Variants in RADIL observed in about 807,000 individuals in gnomAD.
RADIL encodes ras-associating and dilute domain-containing protein.
In RADIL, 99 loss-of-function variants were observed where a neutral mutation model predicts 97.6. That is an observed-to-expected ratio of 1.01 (90% CI 0.86 to 1.20). The LOEUF is 1.20. Ranked by LOEUF, RADIL falls within the 50% of genes most tolerant of loss-of-function variation. RADIL has a pLI of 0.00. For missense variants in RADIL, 1,765 were observed against 1,498.9 expected, an observed-to-expected ratio of 1.18 and a Z score of -2.93; for synonymous variants, 803 against 691.8, an observed-to-expected ratio of 1.16 and a Z score of -2.52.
intron 2 of RADIL, chr7:4,865,308 A>G (rs975369962): frequency 4.1e-6 from 2 of 486,850 alleles, no homozygotes; most frequent in Non-Finnish European, 7.6e-6. Flanking sequence ...CATATATACA[A>G]TGATGGCCCT....
At position 4,834,709 on chromosome 7, in the gene RADIL, GA is replaced by G; in HGVS notation, c.1313del (p.Phe438SerfsTer26). On this transcript the variant is annotated frameshift_variant, in exon 4 of 15. Transcript: ENST00000399583. LOFTEE classifies it high-confidence loss of function. This position sits in a 1 kb window ranked among gnomAD's most constrained non-coding sequence, Gnocchi z 6.0. ...AGTGCTGGATGCAGAGGCACAGGAG[GA>G]AGGCGGGGGTCAGCTTGTGGTCGTC... is the stretch of plus-strand genomic sequence containing the variant. The part of the protein sequence containing the change: ...GGDDHKLTPA[F>X]LLCLCIQHSA... The G allele has an allele frequency of 7.1e-7, 1 of 1,409,016 alleles. No individual in the cohort carries two copies. The highest frequency in any genetic ancestry group is 9.3e-7 in the Non-Finnish European group (1 of 1,075,024). 87.3% of individuals were successfully genotyped at this position (1,409,016 alleles called of 1,614,324 possible). A position where few individuals can be genotyped will look rare whatever the true frequency, so the allele number is the denominator to read the frequency against.
Position 4,801,934 on chromosome 7 carries a change from C to A in RADIL, c.2561G>T (p.Arg854Met). 1 of 1,567,842 alleles carries A rather than the reference C, an allele frequency of 6.4e-7. No individual in the cohort carries two copies. The highest frequency in any genetic ancestry group is 2.3e-5 in the East Asian group (1 of 44,042). ...TTCCCGGGCTGCTGGGCCAGGGTCC[C>A]TGGGAGCCAGGGGGCAGCTCGGGGC... ...LEAPSCPLAPRDPGPAAREVA... is the reference protein window; with the variant it reads ...LEAPSCPLAPMDPGPAAREVA... The change falls in exon 12 of 15, where the codon AGG (arginine) becomes ATG (methionine). Residue 854 changes from arginine (R) to methionine (M), a missense_variant. Arg to Met is a moderately conservative substitution (Grantham distance 91). Coordinates refer to ENST00000399583, the MANE Select transcript of RADIL (RefSeq NM_018059.5).
chr7:4,825,772 A>C (rs992298614), intron 5 of RADIL, among the ~76,000 whole-genome samples: 5 of 150,436 alleles, frequency 3.3e-5, no homozygotes, highest in African/African-American at 1.2e-4. Flanking sequence ...GCTACTCAGG[A>C]GGCTGAGGCA....
rs1783330452 is a variant in RADIL at position 4,837,479 on chromosome 7, G to A, written c.536-874C>T. 6.6e-6 allele frequency among the ~76,000 whole-genome samples: 1 copy of A among 152,200 alleles called. No individual in the cohort carries two copies. Among genetic ancestry groups the A allele is most frequent in the African/African-American group, 2.4e-5 (1 of 41,462 alleles). ...ATGGGGCTGCCGATGGCCTGCTCCT[G>A]CAACAGCATCGCTGCCTCCTTCCCA... On this transcript the variant is annotated intron_variant, in intron 2 of 14. Coordinates refer to ENST00000399583, the MANE Select transcript of RADIL (RefSeq NM_018059.5). The surrounding 1 kb of genome is among the most constrained non-coding windows in gnomAD (Gnocchi z 5.6).
intron 5 of RADIL, among the ~76,000 whole-genome samples, chr7:4,827,515 G>T (rs1027053085): frequency 6.6e-6 from 1 of 151,804 alleles, no homozygotes; most frequent in African/African-American, 2.4e-5. Flanking sequence ...CAAAAAATTA[G>T]CCGGGCGTGG....
chr7:4,838,061 G>C, intron 2 of RADIL: 2 of 985,406 alleles, frequency 2.0e-6, no homozygotes, highest in Non-Finnish European at 2.4e-6. Context: ...TGCATCTGCA[G>C]CCCGCAGGGG....
At position 4,799,384 on chromosome 7, in the gene RADIL, AGGGGGC is replaced by A; in HGVS notation, c.3216_3221del (p.Pro1073_Pro1074del). The A allele has an allele frequency of 6.2e-7, 1 of 1,613,302 alleles. No homozygotes were observed. The highest frequency in any genetic ancestry group is 8.5e-7 in the Non-Finnish European group (1 of 1,179,758). ...GGGTGTCCTCGCAGCCCCCCTAGAG[AGGGGGC>A]GTGCGGAAATGGATCTTCTTGGCTG... On this transcript the variant is annotated inframe_deletion, in exon 15 of 15. Transcript: ENST00000399583.
intron 12 of RADIL, among the ~76,000 whole-genome samples, chr7:4,801,144 GCA>G (rs200175056): frequency 0.039 from 5,861 of 152,060 alleles, 374 homozygotes; most frequent in African/African-American, 0.13. Context: ...ATGCAGAGAT[GCA>G]CACACAATGC....
intron 12 of RADIL, among the ~76,000 whole-genome samples, chr7:4,801,442 C>T (rs1404043660): frequency 6.6e-6 from 1 of 152,230 alleles, no homozygotes; most frequent in Non-Finnish European, 1.5e-5. Context: ...CTGCCCAAGA[C>T]GTGTCAGCGA....
rs1172541309 is a variant in RADIL, at chr7:4,879,028, A to C, written c.-64-825T>G. Among the ~76,000 whole-genome samples the C allele has an allele frequency of 6.6e-6, 1 of 152,188 alleles. No homozygotes were observed. Among genetic ancestry groups the C allele is most frequent in the Non-Finnish European group, 1.5e-5 (1 of 68,024 alleles). ...ACCCCCAGAATCTACCCCTCAGGGC[A>C]AGAGACCCGTCCTGGCTTGAAGGAG... is the stretch of plus-strand genomic sequence containing the variant. On this transcript the variant is annotated intron_variant, in intron 1 of 14. Coordinates refer to ENST00000399583, the MANE Select transcript of RADIL (RefSeq NM_018059.5). This position sits in a 1 kb window ranked among gnomAD's most constrained non-coding sequence, Gnocchi z 4.1.
In RADIL at chr7:4,819,839, G is replaced by GC. The variant is rs1782781086; in HGVS notation, c.1616-2489dup. Among the ~76,000 whole-genome samples, 1 of 152,198 alleles carries GC rather than the reference G, an allele frequency of 6.6e-6. No individual in the cohort carries two copies. Among genetic ancestry groups the GC allele is most frequent in the Non-Finnish European group, 1.5e-5 (1 of 68,038 alleles). On this transcript the variant is annotated intron_variant, in intron 6 of 14. Coordinates refer to ENST00000399583, the MANE Select transcript of RADIL (RefSeq NM_018059.5). The surrounding 1 kb of genome is among the most constrained non-coding windows in gnomAD (Gnocchi z 5.8). Reference sequence around the variant, plus strand: ...ACCCGGAGCCTGCAGGCATCCCTGGGCCCTGGCTCCCATCGCCGGGCCAAA... The same window carrying GC: ...ACCCGGAGCCTGCAGGCATCCCTGGGCCCCTGGCTCCCATCGCCGGGCCAAA...
chr7:4,844,337 C>G (rs1360293064), intron 2 of RADIL, among the ~76,000 whole-genome samples: 2 of 151,646 alleles, frequency 1.3e-5, no homozygotes, highest in Non-Finnish European at 2.9e-5. Flanking sequence ...CCCAGCTACT[C>G]GGGAGGCTGA....
At chr7:4,803,994 G>A (rs959448725) in intron 10 of RADIL, 1 of 592,818 alleles carries the variant, frequency 1.7e-6, no homozygotes, top group African/African-American at 1.8e-5. Context: ...CTGAGAACAA[G>A]GCCTTGTAGC....
intron 5 of RADIL, among the ~76,000 whole-genome samples, chr7:4,831,933 A>T (rs1783153950): frequency 6.6e-6 from 1 of 152,188 alleles, no homozygotes; most frequent in Non-Finnish European, 1.5e-5. Flanking sequence ...ATCCAGTCTT[A>T]AGGGTGCCCT....
chr7:4,833,081 C>G (rs1023372702), intron 4 of RADIL, among the ~76,000 whole-genome samples: 1 of 152,102 alleles, frequency 6.6e-6, no homozygotes, highest in Non-Finnish European at 1.5e-5. Context: ...AGCATAGGGG[C>G]AGGGTGAGCC....
chr7:4,827,622 C>T (rs1278164324), intron 5 of RADIL, among the ~76,000 whole-genome samples: 1 of 152,174 alleles, frequency 6.6e-6, no homozygotes, highest in East Asian at 1.9e-4. Flanking sequence ...GATCGTGCCA[C>T]TGTACTCCAG....
At chr7:4,820,708 G>A (rs1049874592) in intron 6 of RADIL, among the ~76,000 whole-genome samples, 18 of 152,174 alleles carry the variant, frequency 1.2e-4, no homozygotes, top group Admixed American at 9.8e-4. Context: ...AGGAGCGGGG[G>A]CCCCACCCCA....
rs1288420048 is a variant in RADIL at position 4,802,710 on chromosome 7, T to TC, written c.2500-716dup. ...CTCGGGGCACGCTGGCTGGGTCCCC[T>TC]CCCCAGGCACCTCGGGGCACGCTGG... On this transcript the variant is annotated intron_variant, in intron 11 of 14. Transcript: ENST00000399583. Among the ~76,000 whole-genome samples, 146 of 95,200 alleles carry TC rather than the reference T, an allele frequency of 1.5e-3. 2 individuals are homozygous for TC. Among genetic ancestry groups the TC allele is most frequent in the Non-Finnish European group, 2.5e-3 (120 of 48,276 alleles). The allele number at this position is 95,200 out of a possible 152,430, so 62.5% of individuals were successfully genotyped here.
chr7:4,821,146 A>G lies in RADIL; in HGVS notation c.1615+1248T>C, dbSNP rs1407313287. On this transcript the variant is annotated intron_variant, in intron 6 of 14. Coordinates refer to ENST00000399583, the MANE Select transcript of RADIL (RefSeq NM_018059.5). This position sits in a 1 kb window ranked among gnomAD's most constrained non-coding sequence, Gnocchi z 5.2. ...GGCCTGCGCCTCCCTCGAAGCTCAG[A>G]GACGCAGCCTGGAGCAGCTCTGAAT... 6.6e-6 allele frequency among the ~76,000 whole-genome samples: 1 copy of G among 152,184 alleles called. No homozygotes were observed. The highest frequency in any genetic ancestry group is 1.9e-4 in the East Asian group (1 of 5,184).
Sources: gnomAD v4.1 joint callset for allele counts (sites outside exome capture counted in the v4.1 genomes callset) on GRCh38, gnomAD v4.1.1 for gene constraint, Gnocchi (gnomAD v3.1) non-coding constraint, MANE v1.5 for transcripts, NCBI Gene and HGNC (gene_info 2026-07-23, HGNC 2026-07-21) for gene names.